MTSS1: variants seen among roughly 807,000 people sequenced by gnomAD.
MTSS1 encodes protein MTSS 1.
A neutral mutation model predicts 79.0 loss-of-function variants in MTSS1; 18 were observed. The observed-to-expected ratio is 0.23, with a 90% confidence interval of 0.16 to 0.34. The LOEUF (loss-of-function observed/expected upper bound fraction) is 0.34. MTSS1 is among the 10% of genes least tolerant of loss of function. The pLI is 1.00. For synonymous variants in MTSS1, 341 were observed against 368.6 expected, an observed-to-expected ratio of 0.93 and a Z score of 0.86; for missense variants, 815 against 986.2, an observed-to-expected ratio of 0.83 and a Z score of 2.33.
chr8:124,553,095 G>T lies in MTSS1; in HGVS notation c.2165C>A (p.Pro722Gln). Residue 722 changes from proline to glutamine, a missense_variant, in exon 14 of 14, where the codon CCA becomes CAA. Pro to Gln is a moderately conservative substitution (Grantham distance 76, BLOSUM62 -1). This residue lies in a region of MTSS1 where 590 missense variants were observed against 620.8 expected (regional missense o/e 0.95). Coordinates refer to ENST00000518547, the MANE Select transcript of MTSS1 (RefSeq NM_014751.6). This position sits in a 1 kb window ranked among gnomAD's most constrained non-coding sequence, Gnocchi z 6.0. ...GTCTTCTCCTTGTGGAGTATCCCTT[G>T]GGCTCAGGTCTGCAGGGTCACTCTC... Reference protein sequence around the residue: ...IPESDPADLSPRDTPQGEDML... With the variant: ...IPESDPADLSQRDTPQGEDML... 1 of 1,614,056 alleles carries T rather than the reference G, an allele frequency of 6.2e-7. No homozygotes were observed. Among genetic ancestry groups the T allele is most frequent in the Non-Finnish European group, 8.5e-7 (1 of 1,180,022 alleles).
At chr8:124,618,327 A>G (rs978619644) in intron 3 of MTSS1, among the ~76,000 whole-genome samples, 7 of 152,348 alleles carry the variant, frequency 4.6e-5, no homozygotes, top group South Asian at 2.1e-4. Context: ...AAGCAAATGG[A>G]CAAGTACCCA....
At chr8:124,580,844 G>A (rs1829910806) in intron 6 of MTSS1, among the ~76,000 whole-genome samples, 1 of 152,104 alleles carries the variant, frequency 6.6e-6, no homozygotes, top group Admixed American at 6.5e-5. Context: ...TTTAAAAAGA[G>A]AGATGAAGAA....
intron 4 of MTSS1, 28 bp downstream of exon 4, chr8:124,591,123 G>A (rs1415653371): frequency 1.2e-6 from 2 of 1,600,412 alleles, no homozygotes; most frequent in Non-Finnish European, 1.7e-6. Flanking sequence ...AAGGGTGTTG[G>A]CGATCGGGGC....
At chr8:124,700,054 G>A (rs902153974) in intron 2 of MTSS1, among the ~76,000 whole-genome samples, 8 of 151,874 alleles carry the variant, frequency 5.3e-5, no homozygotes, top group South Asian at 2.1e-4. Flanking sequence ...CAGAAGAATC[G>A]CTTGAGACCA....
At position 124,634,318 on chromosome 8, in the gene MTSS1, G is replaced by GT. The variant is rs570692171; in HGVS notation, c.209-43084dup. On this transcript the variant is annotated intron_variant, in intron 3 of 13. Coordinates refer to ENST00000518547, the MANE Select transcript of MTSS1 (RefSeq NM_014751.6). ...TTGTTGTTTTGTAGTTTTTTTTATAGTTTTTTTTTGTAGAAATGACATTTC... is the reference window on the plus strand; with the variant it reads ...TTGTTGTTTTGTAGTTTTTTTTATAGTTTTTTTTTTGTAGAAATGACATTTC... Among the ~76,000 whole-genome samples the GT allele has an allele frequency of 2.7e-3, 401 of 147,140 alleles. 3 individuals carry two copies. The highest frequency in any genetic ancestry group is 0.017 in the East Asian group (85 of 5,122).
intron 3 of MTSS1, among the ~76,000 whole-genome samples, chr8:124,602,965 G>A (rs188490123): frequency 4.9e-4 from 74 of 152,310 alleles, no homozygotes; most frequent in African/African-American, 1.8e-3. Flanking sequence ...CTTAGAGCTG[G>A]AAGGTGCCTT....
Position 124,552,116 on chromosome 8 carries a change from G to A in MTSS1, c.*876C>T, listed in dbSNP as rs1419491130. The A allele has an allele frequency of 5.2e-5, 8 of 152,608 alleles. No individual in the cohort carries two copies. The highest frequency in any genetic ancestry group is 7.3e-5 in the Non-Finnish European group (5 of 68,036). The allele number at this position is 152,608 out of a possible 1,614,324, so 9.5% of individuals were successfully genotyped here. A position where few individuals can be genotyped will look rare whatever the true frequency, so the allele number is the denominator to read the frequency against. On this transcript the variant is annotated 3_prime_UTR_variant, in exon 14 of 14. Coordinates refer to ENST00000518547, the MANE Select transcript of MTSS1 (RefSeq NM_014751.6). ...TTTGGATGTATTTGGATTCCATAAA[G>A]GTGAGTACAATCAACGAGAAACTGA...
chr8:124,650,388 C>T (rs2134158709), intron 3 of MTSS1, among the ~76,000 whole-genome samples: 1 of 152,316 alleles, frequency 6.6e-6, no homozygotes, highest in Middle Eastern at 3.4e-3. Flanking sequence ...ACTGACTTGA[C>T]ACCCACATAT....
chr8:124,670,329 A>G (rs1220688726), intron 3 of MTSS1, among the ~76,000 whole-genome samples: 2 of 151,766 alleles, frequency 1.3e-5, no homozygotes, highest in African/African-American at 4.9e-5. Flanking sequence ...TGGTTGAACA[A>G]ACAAAAGGGA....
In MTSS1 at chr8:124,567,147, G is replaced by T; in HGVS notation, c.650C>A (p.Thr217Asn). The T allele has an allele frequency of 6.2e-7, 1 of 1,614,020 alleles. No individual in the cohort carries two copies. The highest frequency in any genetic ancestry group is 2.2e-5 in the East Asian group (1 of 44,884). ...ATCTTCCGAGATGGTCTGAAGGTGG[G>T]TTATTTCCCCTAGCATTGAGATTTC... The part of the protein sequence containing the change: ...EEEISMLGEI[T>N]HLQTISEDLK... Residue 217 changes from threonine (T) to asparagine (N), a missense_variant, in exon 8 of 14, where the codon ACC becomes AAC. This residue lies in a region of MTSS1 where 225 missense variants were observed against 365.4 expected (regional missense o/e 0.62). Transcript: ENST00000518547.
chr8:124,642,803 G>C (rs1818295294), intron 3 of MTSS1, among the ~76,000 whole-genome samples: 1 of 152,160 alleles, frequency 6.6e-6, no homozygotes, highest in Admixed American at 6.5e-5. Flanking sequence ...ATATTGGTCA[G>C]TCTGGTCTCG....
chr8:124,661,228 A>G (rs1821965644), intron 3 of MTSS1, among the ~76,000 whole-genome samples: 1 of 152,230 alleles, frequency 6.6e-6, no homozygotes, highest in African/African-American at 2.4e-5. Flanking sequence ...ATGAAAGGAT[A>G]ACCTGAAAAG....
At chr8:124,706,471 C>T (rs930908827) in intron 1 of MTSS1, among the ~76,000 whole-genome samples, 2 of 152,260 alleles carry the variant, frequency 1.3e-5, no homozygotes, top group African/African-American at 4.8e-5. Flanking sequence ...GTCTGTTTCA[C>T]GCATGCTGCT....
At chr8:124,688,988 A>T (rs1298830761) in intron 3 of MTSS1, among the ~76,000 whole-genome samples, 1 of 146,844 alleles carries the variant, frequency 6.8e-6, no homozygotes, top group Admixed American at 6.8e-5. Context: ...TAGTTCCTTT[A>T]AAAAAAAAAA....
chr8:124,725,070 T>A (rs1267231608), intron 1 of MTSS1, among the ~76,000 whole-genome samples: 4 of 152,166 alleles, frequency 2.6e-5, no homozygotes, highest in Admixed American at 2.6e-4. Context: ...CAGGGTAGAA[T>A]AAACGGGAAA....
At chr8:124,574,173 G>A (rs887579574) in intron 6 of MTSS1, among the ~76,000 whole-genome samples, 6 of 152,220 alleles carry the variant, frequency 3.9e-5, no homozygotes, top group South Asian at 2.1e-4. Flanking sequence ...TCGAACTCCT[G>A]ACCTTAAGTG....
intron 2 of MTSS1, among the ~76,000 whole-genome samples, chr8:124,700,566 G>T (rs535545048): frequency 7.2e-5 from 11 of 152,166 alleles, no homozygotes; most frequent in African/African-American, 2.2e-4. Context: ...TATTTCAACT[G>T]AATCTTCCAA....
intron 3 of MTSS1, among the ~76,000 whole-genome samples, chr8:124,653,830 T>A (rs1331146322): frequency 5.9e-5 from 9 of 152,230 alleles, no homozygotes; most frequent in Admixed American, 5.9e-4. Context: ...CAAGCATGTG[T>A]GACTTTCCTT....
rs1054055041 is a variant in MTSS1 at position 124,556,121 on chromosome 8, C to T, written c.1404+111G>A. 9.6e-6 allele frequency: 15 copies of T among 1,568,998 alleles called. No homozygotes were observed. In the Middle Eastern group the frequency reaches 2.0e-3, roughly 209 times the overall value. ...TAGAGCAGGAAGTCAGGGAATGGAG[C>T]CCAGGTCCCTCCAGCTGCAAGGCTG... On this transcript the variant is annotated intron_variant, in intron 12 of 13. Transcript: ENST00000518547.
Sources: gnomAD v4.1 joint callset for allele counts (sites outside exome capture counted in the v4.1 genomes callset) on GRCh38, gnomAD v4.1.1 for gene constraint, gnomAD v4.1.1 regional missense constraint, Gnocchi (gnomAD v3.1) non-coding constraint, MANE v1.5 for transcripts, NCBI Gene and HGNC (gene_info 2026-07-23, HGNC 2026-07-21) for gene names.